Variants in KIF15 observed in about 807,000 individuals in gnomAD.
KIF15 encodes kinesin family member 15, also known as kinesin-like protein KIF15.
KIF15 carries 140 observed loss-of-function variants against 190.6 expected under a neutral mutation model. The observed-to-expected ratio is 0.73, with a 90% CI of 0.64 to 0.84. KIF15 has a LOEUF of 0.84. Among genes scored for constraint, KIF15 ranks in the 40% least tolerant of loss-of-function variants. The pLI, the probability that KIF15 is intolerant of heterozygous loss-of-function variation, is 0.00. For synonymous variants in KIF15, 528 were observed against 551.3 expected, an observed-to-expected ratio of 0.96 and a Z score of 0.59; for missense variants, 1,372 against 1,584.4, an observed-to-expected ratio of 0.87 and a Z score of 2.28.
At chr3:44,831,288 A>T (rs766387877) in intron 26 of KIF15, among the ~76,000 whole-genome samples, 1 of 152,160 alleles carries the variant, frequency 6.6e-6, no homozygotes, top group Non-Finnish European at 1.5e-5. Flanking sequence ...AGTCTTATAC[A>T]TATACTGTCT....
intron 34 of KIF15, 148 bp downstream of exon 34, chr3:44,852,487 G>T (rs1699096909): frequency 2.2e-6 from 2 of 894,196 alleles, no homozygotes; most frequent in Non-Finnish European, 3.3e-6. Flanking sequence ...GTTGGTCGTT[G>T]CTATTCTGAG....
rs1218308723 is a variant in KIF15, at chr3:44,786,395, G to A, written c.460G>A (p.Ala154Thr). 2.5e-6 allele frequency: 4 copies of A among 1,602,100 alleles called. No individual in the cohort carries two copies. Among genetic ancestry groups the A allele is most frequent in the South Asian group, 2.2e-5 (2 of 89,742 alleles). ...FSLIDREKEKAGAGKSFLCKC... is the reference protein window; with the variant it reads ...FSLIDREKEKTGAGKSFLCKC... ...TCTAAATGAGGCTTCTTTTTTACAG[G>A]CTGGAGCTGGAAAGAGTTTCCTTTG... Residue 154 changes from alanine (A) to threonine (T), a missense_variant and splice_region_variant, in exon 7 of 35, where the codon GCT becomes ACT. By Grantham distance (58) the Ala-to-Thr change is moderately conservative. Coordinates refer to ENST00000326047, the MANE Select transcript of KIF15 (RefSeq NM_020242.3).
chr3:44,778,002 T>C (rs1705978715), intron 3 of KIF15, 113 bp from the exon 4 acceptor site: 1 of 790,960 alleles, frequency 1.3e-6, no homozygotes, highest in African/African-American at 1.7e-5. Context: ...TTTTCTGTAG[T>C]GGATGTTATC....
chr3:44,791,464 C>T (rs1706692850), intron 7 of KIF15, among the ~76,000 whole-genome samples: 3 of 152,134 alleles, frequency 2.0e-5, no homozygotes. Flanking sequence ...TTTTCATTTA[C>T]ATAGAACCAG....
At chr3:44,813,574 C>G (rs1442247328) in intron 19 of KIF15, among the ~76,000 whole-genome samples, 1 of 151,510 alleles carries the variant, frequency 6.6e-6, no homozygotes, top group African/African-American at 2.4e-5. Context: ...AGTGCATTAC[C>G]ATGCCTGGCT....
intron 16 of KIF15, among the ~76,000 whole-genome samples, chr3:44,809,802 C>T (rs933794760): frequency 5.3e-5 from 8 of 152,092 alleles, no homozygotes; most frequent in African/African-American, 1.9e-4. Flanking sequence ...TGTGGTGTCT[C>T]ACGCCTGTAA....
chr3:44,819,411 T>G (rs1708164480), intron 20 of KIF15, among the ~76,000 whole-genome samples: 1 of 152,246 alleles, frequency 6.6e-6, no homozygotes, highest in African/African-American at 2.4e-5. Flanking sequence ...TACACACTGC[T>G]TTGAATGTGT....
intron 29 of KIF15, 144 bp downstream of exon 29, chr3:44,841,382 G>T: frequency 1.1e-5 from 6 of 537,012 alleles, no homozygotes; most frequent in Non-Finnish European, 2.0e-5. Flanking sequence ...TGCCCAGCCA[G>T]TAAATTTAAT....
intron 4 of KIF15, among the ~76,000 whole-genome samples, chr3:44,779,352 G>A (rs570923171): frequency 3.3e-4 from 50 of 152,248 alleles, no homozygotes; most frequent in Non-Finnish European, 5.6e-4. Flanking sequence ...AGATCTGGGC[G>A]CTAGGTGTGT....
intron 2 of KIF15, 28 bp from the exon 3 acceptor site, chr3:44,775,226 A>C (rs2125903008): frequency 6.3e-7 from 1 of 1,582,882 alleles, no homozygotes; most frequent in African/African-American, 1.4e-5. Context: ...AATAAACTGA[A>C]CTGTTACTTT....
chr3:44,767,525 A>G (rs1705446933), intron 1 of KIF15, among the ~76,000 whole-genome samples: 1 of 152,204 alleles, frequency 6.6e-6, no homozygotes, highest in Non-Finnish European at 1.5e-5. Context: ...CAGGAGCTCA[A>G]TTTTGGACAC....
At chr3:44,770,767 G>A (rs1377588917) in intron 1 of KIF15, among the ~76,000 whole-genome samples, 1 of 152,206 alleles carries the variant, frequency 6.6e-6, no homozygotes. Flanking sequence ...GCCAGGCAGA[G>A]AGAGAGAGAC....
At chr3:44,827,131 G>T (rs1334242236) in intron 22 of KIF15, 1 of 426,504 alleles carries the variant, frequency 2.3e-6, no homozygotes, top group Admixed American at 2.7e-5. Flanking sequence ...AACATTTAGA[G>T]TTGAAACAGT....
At chr3:44,793,443 C>A (rs1195964241) in intron 7 of KIF15, among the ~76,000 whole-genome samples, 1 of 152,186 alleles carries the variant, frequency 6.6e-6, no homozygotes, top group Non-Finnish European at 1.5e-5. Flanking sequence ...TTGTGATTTA[C>A]ATTAGGTTAA....
chr3:44,856,099 G>A (rs559922105), downstream of KIF15, among the ~76,000 whole-genome samples: 1 of 151,686 alleles, frequency 6.6e-6, no homozygotes, highest in African/African-American at 2.4e-5. Context: ...ACTGTATAGA[G>A]GTGGGAAGCC....
At chr3:44,796,515 T>C (rs1706984624) in intron 8 of KIF15, among the ~76,000 whole-genome samples, 1 of 152,180 alleles carries the variant, frequency 6.6e-6, no homozygotes, top group Admixed American at 6.5e-5. Context: ...CTAATAAAGG[T>C]AGAGCTGAGA....
In KIF15 at chr3:44,813,105, A is replaced by G; in HGVS notation, c.2308A>G (p.Lys770Glu). 4 of 1,593,840 alleles carry G rather than the reference A, an allele frequency of 2.5e-6. No homozygotes were observed. The highest frequency in any genetic ancestry group is 3.4e-6 in the Non-Finnish European group (4 of 1,174,306). The change falls in exon 19 of 35, where the codon AAA becomes GAA. Residue 770 changes from lysine to glutamate, a missense_variant. Lys to Glu is a moderately conservative substitution (Grantham distance 56, BLOSUM62 1). Coordinates refer to ENST00000326047, the MANE Select transcript of KIF15 (RefSeq NM_020242.3). The stretch of plus-strand genomic sequence containing the variant: ...CTCATCAGAAAGAATTGATTGGACC[A>G]AACAGCAGGAAGAGCTTCTCTCACA... ...LFSSERIDWT[K>E]QQEELLSQLN... is the part of the protein sequence containing the mutation.
intron 1 of KIF15, among the ~76,000 whole-genome samples, chr3:44,772,975 C>G (rs1399667017): frequency 6.6e-6 from 1 of 152,128 alleles, no homozygotes; most frequent in African/African-American, 2.4e-5. Flanking sequence ...AGCATCCCAT[C>G]CTAAGGTACC....
chr3:44,829,746 T>C (rs1697961608), intron 24 of KIF15, among the ~76,000 whole-genome samples: 1 of 139,998 alleles, frequency 7.1e-6, no homozygotes, highest in Non-Finnish European at 1.5e-5. Flanking sequence ...TATATATGTA[T>C]ATATTATAGA....
Sources: gnomAD v4.1 joint callset for allele counts (sites outside exome capture counted in the v4.1 genomes callset) on GRCh38, gnomAD v4.1.1 for gene constraint, MANE v1.5 for transcripts, NCBI Gene and HGNC (gene_info 2026-07-23, HGNC 2026-07-21) for gene names.